KDM2A: variants seen among roughly 807,000 people sequenced by gnomAD.
KDM2A encodes the protein lysine-specific demethylase 2A.
In KDM2A, 3 loss-of-function variants were observed where a neutral mutation model predicts 137.3. The observed-to-expected ratio is 0.02, with a 90% CI of 0.01 to 0.06. KDM2A has a LOEUF of 0.06. Among genes scored for constraint, KDM2A ranks in the 10% least tolerant of loss-of-function variants. The pLI is 1.00. For synonymous variants in KDM2A, 512 were observed against 541.5 expected, an observed-to-expected ratio of 0.95 and a Z score of 0.76; for missense variants, 738 against 1,510.6, an observed-to-expected ratio of 0.49 and a Z score of 8.48.
intron 18 of KDM2A, among the ~76,000 whole-genome samples, chr11:67,253,104 G>A (rs1359129369): frequency 6.6e-6 from 1 of 152,192 alleles, no homozygotes; most frequent in East Asian, 1.9e-4. Flanking sequence ...GTTGCTGCCA[G>A]CCCTGCAGTT....
chr11:67,152,941 TG>T (rs1565379974), intron 2 of KDM2A, among the ~76,000 whole-genome samples: 17 of 148,976 alleles, frequency 1.1e-4, no homozygotes, highest in Admixed American at 3.4e-4. Flanking sequence ...TGTGTGTGTG[TG>T]TGTGTGTGTG....
intron 2 of KDM2A, among the ~76,000 whole-genome samples, chr11:67,122,643 T>TTATTTA (rs774378573): frequency 6.9e-6 from 1 of 144,576 alleles, no homozygotes; most frequent in Non-Finnish European, 1.5e-5. Context: ...TTTTATTTAT[T>TTATTTA]TTTATTTATT....
rs761830624 is a variant in KDM2A, at chr11:67,231,579, T to C, written c.1098T>C (p.Asn366=). ...TCATATTGGTAGATTTGGAGTTAAA[T>C]GGGTTGGAGTCTGGGAATGGGGATG... is the stretch of plus-strand genomic sequence containing the variant. ...KESLSMDLEL[N]GLESGNGDEE... The change falls in exon 12 of 21, where the codon AAT becomes AAC. Residue 366 remains asparagine, a synonymous_variant. Coordinates refer to ENST00000529006, the MANE Select transcript of KDM2A (RefSeq NM_012308.3). 1 of 1,599,362 alleles carries C rather than the reference T, an allele frequency of 6.3e-7. No individual in the cohort carries two copies. The highest frequency in any genetic ancestry group is 8.5e-7 in the Non-Finnish European group (1 of 1,172,994).
intron 2 of KDM2A, among the ~76,000 whole-genome samples, chr11:67,130,089 A>G (rs985527114): frequency 3.3e-5 from 5 of 149,588 alleles, no homozygotes; most frequent in Non-Finnish European, 7.4e-5. Flanking sequence ...CAGCCTCCCT[A>G]GTAGCTGGGA....
chr11:67,243,890 C>T (rs957768492), intron 13 of KDM2A: 3 of 152,162 alleles, frequency 2.0e-5, no homozygotes, highest in Non-Finnish European at 4.4e-5. Context: ...CATGCCTCTT[C>T]AGTTTAGATC....
In KDM2A at chr11:67,219,949, AATTTT is replaced by A. The variant is rs1386741302; in HGVS notation, c.957+567_957+571del. ...ATTTCTTTTTCTTTCCTTTTTTTAA[AATTTT>A]ATTTTATTTTATTTTATTTTTTAGC... On this transcript the variant is annotated intron_variant, in intron 10 of 20. Transcript: ENST00000529006. 2.6e-5 allele frequency among the ~76,000 whole-genome samples: 4 copies of A among 151,882 alleles called. No homozygotes were observed. The East Asian group carries it at 5.8e-4, about 22-fold the overall frequency.
At chr11:67,209,448 T>G (rs1335779806) in intron 6 of KDM2A, among the ~76,000 whole-genome samples, 2 of 150,750 alleles carry the variant, frequency 1.3e-5, no homozygotes, top group Non-Finnish European at 3.0e-5. Flanking sequence ...ATTATTATTA[T>G]TATTATTATT....
At chr11:67,181,473 A>G (rs1373249049) in intron 4 of KDM2A, 75 bp downstream of exon 4, 23 of 918,614 alleles carry the variant, frequency 2.5e-5, no homozygotes, top group Non-Finnish European at 3.8e-5. Flanking sequence ...CAGTGGTGGT[A>G]TTGATAACCC....
intron 5 of KDM2A, among the ~76,000 whole-genome samples, chr11:67,186,967 AG>A (rs1857222066): frequency 6.6e-6 from 1 of 152,230 alleles, no homozygotes. Flanking sequence ...AATAACTAAT[AG>A]GGGCACAGTA....
At chr11:67,197,473 C>T (rs1857509926) in intron 5 of KDM2A, among the ~76,000 whole-genome samples, 1 of 152,216 alleles carries the variant, frequency 6.6e-6, no homozygotes, top group East Asian at 1.9e-4. Context: ...CCACTCTGCC[C>T]AGCCAGTGAC....
At chr11:67,131,412 C>CTTTTTT (rs563635809) in intron 2 of KDM2A, among the ~76,000 whole-genome samples, 1 of 132,838 alleles carries the variant, frequency 7.5e-6, no homozygotes. Flanking sequence ...GTTTTCTTTT[C>CTTTTTT]TTTTTTTTTT....
At chr11:67,253,339 C>T (rs565660555) in intron 18 of KDM2A, 114 bp from the exon 19 acceptor site, 1 of 866,888 alleles carries the variant, frequency 1.2e-6, no homozygotes, top group East Asian at 2.4e-5. Context: ...AAAGATTAGG[C>T]ATAGTCCTTC....
At chr11:67,142,508 G>C (rs1856129486) in intron 2 of KDM2A, among the ~76,000 whole-genome samples, 1 of 148,906 alleles carries the variant, frequency 6.7e-6, no homozygotes, top group Non-Finnish European at 1.5e-5. Flanking sequence ...GAAATTAGCC[G>C]GGTGTGGTGG....
intron 2 of KDM2A, among the ~76,000 whole-genome samples, chr11:67,148,084 C>T (rs958823798): frequency 2.0e-5 from 3 of 151,960 alleles, no homozygotes; most frequent in African/African-American, 4.8e-5. Flanking sequence ...TTTACTAGAT[C>T]GCTGATTTGT....
At chr11:67,206,699 T>C (rs1050112445) in intron 5 of KDM2A, among the ~76,000 whole-genome samples, 2 of 152,254 alleles carry the variant, frequency 1.3e-5, no homozygotes, top group Non-Finnish European at 2.9e-5. Context: ...AGCGTGCCAC[T>C]GCACTCCAGC....
chr11:67,200,104 A>C lies in KDM2A; in HGVS notation c.308-7406A>C, dbSNP rs1857580304. 2.0e-5 allele frequency among the ~76,000 whole-genome samples: 3 copies of C among 152,302 alleles called. No individual in the cohort carries two copies. In the South Asian group the frequency reaches 6.2e-4, roughly 32 times the overall value. Reference sequence around the variant, plus strand: ...ACTGAATTTATTAAGCCCACTGTGGAGATCTGCTCAGGAAAAAAGGTTCCT... The same window carrying C: ...ACTGAATTTATTAAGCCCACTGTGGCGATCTGCTCAGGAAAAAAGGTTCCT... On this transcript the variant is annotated intron_variant, in intron 5 of 20. Transcript: ENST00000529006.
At chr11:67,145,998 G>GTTT (rs552846225) in intron 2 of KDM2A, among the ~76,000 whole-genome samples, 3 of 122,262 alleles carry the variant, frequency 2.5e-5, no homozygotes, top group Non-Finnish European at 5.2e-5. Flanking sequence ...GTTTTTTTTT[G>GTTT]TTTTTTTTTT....
chr11:67,123,010 G>A (rs1367171941), intron 2 of KDM2A, among the ~76,000 whole-genome samples: 1 of 151,802 alleles, frequency 6.6e-6, no homozygotes. Flanking sequence ...ATCTTGCTCT[G>A]CCCAGGGTGA....
At chr11:67,221,934 G>A (rs1176797268) in intron 10 of KDM2A, among the ~76,000 whole-genome samples, 1 of 147,178 alleles carries the variant, frequency 6.8e-6, no homozygotes, top group African/African-American at 2.5e-5. Context: ...GACACAGTCT[G>A]TTAATTTAAA....
Sources: gnomAD v4.1 joint callset for allele counts (sites outside exome capture counted in the v4.1 genomes callset) on GRCh38, gnomAD v4.1.1 for gene constraint, MANE v1.5 for transcripts, NCBI Gene and HGNC (gene_info 2026-07-23, HGNC 2026-07-21) for gene names.